Variants in PCDH9 observed in about 807,000 individuals in gnomAD.
PCDH9 encodes protocadherin 9.
PCDH9 carries 24 observed loss-of-function variants against 70.6 expected under a neutral mutation model. That is an observed-to-expected ratio of 0.34 (90% CI 0.25 to 0.48). The LOEUF (loss-of-function observed/expected upper bound fraction) is 0.48. Ranked by LOEUF, PCDH9 falls within the 20% of genes least tolerant of loss-of-function variation. The pLI is 0.99. For missense variants in PCDH9, 1,281 were observed against 1,503.6 expected, an observed-to-expected ratio of 0.85 and a Z score of 2.45; for synonymous variants, 562 against 558.5, an observed-to-expected ratio of 1.01 and a Z score of -0.09.
chr13:66,536,736 A>G (rs1214105176), intron 4 of PCDH9, among the ~76,000 whole-genome samples: 2 of 152,126 alleles, frequency 1.3e-5, no homozygotes, highest in Non-Finnish European at 2.9e-5. Context: ...TGAATACAGT[A>G]CTGATTTCAA....
intron 2 of PCDH9, among the ~76,000 whole-genome samples, chr13:66,992,227 T>C (rs1419150981): frequency 6.6e-6 from 1 of 152,182 alleles, no homozygotes; most frequent in Non-Finnish European, 1.5e-5. Context: ...TCATCTCTAC[T>C]GATAACTGCA....
At chr13:66,408,219 C>T (rs916578850) in intron 4 of PCDH9, among the ~76,000 whole-genome samples, 24 of 151,964 alleles carry the variant, frequency 1.6e-4, no homozygotes, top group African/African-American at 5.1e-4. Flanking sequence ...CCACCGCGCC[C>T]GGCTAATTTT....
At chr13:66,640,199 C>T (rs572994125) in intron 3 of PCDH9, among the ~76,000 whole-genome samples, 53 of 152,186 alleles carry the variant, frequency 3.5e-4, no homozygotes, top group African/African-American at 1.3e-3. Context: ...AAAAAGGAGG[C>T]TTTACTTTGG....
intron 2 of PCDH9, among the ~76,000 whole-genome samples, chr13:66,943,448 T>A (rs2083038502): frequency 6.6e-6 from 1 of 152,082 alleles, no homozygotes. Flanking sequence ...GTACTGACAT[T>A]TCTCTACTCC....
chr13:67,084,539 A>G (rs1175525964), intron 2 of PCDH9, among the ~76,000 whole-genome samples: 1 of 152,158 alleles, frequency 6.6e-6, no homozygotes, highest in African/African-American at 2.4e-5. Context: ...TGGGGAGGTC[A>G]GGACTTAACC....
At chr13:67,203,874 A>C (rs896690493) in intron 2 of PCDH9, 2 of 152,056 alleles carry the variant, frequency 1.3e-5, no homozygotes, top group African/African-American at 4.8e-5. Context: ...TTGGAAAAAA[A>C]CCGCCACAGT....
chr13:66,932,796 C>T (rs1322869124), intron 2 of PCDH9, among the ~76,000 whole-genome samples: 1 of 150,376 alleles, frequency 6.6e-6, no homozygotes, highest in Non-Finnish European at 1.5e-5. Flanking sequence ...ATTCAGAATA[C>T]AGTATCATCA....
chr13:67,188,076 A>G (rs777379224), intron 2 of PCDH9, among the ~76,000 whole-genome samples: 15 of 152,176 alleles, frequency 9.9e-5, no homozygotes, highest in Non-Finnish European at 1.9e-4. Context: ...ATTTCATGAG[A>G]AATATACAGT....
intron 2 of PCDH9, among the ~76,000 whole-genome samples, chr13:67,179,931 T>G (rs1477208622): frequency 6.6e-6 from 1 of 152,110 alleles, no homozygotes; most frequent in East Asian, 1.9e-4. Flanking sequence ...AAACTATAGT[T>G]GGCTAAGAAA....
At chr13:66,516,544 A>C (rs539376960) in intron 4 of PCDH9, among the ~76,000 whole-genome samples, 2 of 152,242 alleles carry the variant, frequency 1.3e-5, no homozygotes, top group Admixed American at 1.3e-4. Context: ...GGGAATAATA[A>C]GACAGTGTAG....
intron 4 of PCDH9, among the ~76,000 whole-genome samples, chr13:66,515,553 G>A (rs1959692438): frequency 6.6e-6 from 1 of 151,910 alleles, no homozygotes; most frequent in Non-Finnish European, 1.5e-5. Flanking sequence ...CTCCTGGGCA[G>A]TAGTAATGCT....
chr13:66,492,081 A>T (rs1338528687), intron 4 of PCDH9, among the ~76,000 whole-genome samples: 1 of 152,186 alleles, frequency 6.6e-6, no homozygotes, highest in Non-Finnish European at 1.5e-5. Context: ...GTTTCTGAGG[A>T]ATAAACTCCC....
intron 2 of PCDH9, among the ~76,000 whole-genome samples, chr13:66,918,372 T>C (rs541223034): frequency 6.6e-6 from 1 of 151,400 alleles, no homozygotes; most frequent in East Asian, 1.9e-4. Flanking sequence ...AAGTGAATTT[T>C]TGCTTCTTAT....
intron 2 of PCDH9, among the ~76,000 whole-genome samples, chr13:67,089,830 A>G (rs540700779): frequency 1.3e-5 from 2 of 152,008 alleles, no homozygotes; most frequent in South Asian, 4.2e-4. Flanking sequence ...TGAAAAATAG[A>G]GATTCTATAT....
chr13:67,213,185 T>C (rs1362718719), intron 2 of PCDH9: 1 of 105,156 alleles, frequency 9.5e-6, no homozygotes, highest in Non-Finnish European at 1.7e-5. Flanking sequence ...CACTCCAGCC[T>C]GGACGACAGA....
At chr13:66,833,726 GA>G (rs1212370539) in intron 3 of PCDH9, among the ~76,000 whole-genome samples, 5 of 151,882 alleles carry the variant, frequency 3.3e-5, no homozygotes, top group Non-Finnish European at 7.4e-5. Flanking sequence ...ACTTCATATA[GA>G]AAAAAAATCA....
intron 4 of PCDH9, among the ~76,000 whole-genome samples, chr13:66,479,896 A>C (rs982094542): frequency 6.6e-6 from 1 of 152,190 alleles, no homozygotes; most frequent in Non-Finnish European, 1.5e-5. Context: ...AGGGAATAAA[A>C]GCTGACCACC....
chr13:66,769,950 A>C (rs2079780225), intron 3 of PCDH9, among the ~76,000 whole-genome samples: 1 of 152,080 alleles, frequency 6.6e-6, no homozygotes, highest in Admixed American at 6.6e-5. Context: ...AAAATAAGTG[A>C]CTGAAAAAGG....
chr13:67,094,054 T>C (rs2086272254), intron 2 of PCDH9, among the ~76,000 whole-genome samples: 1 of 152,192 alleles, frequency 6.6e-6, no homozygotes, highest in South Asian at 2.1e-4. Context: ...AAAATCTTTA[T>C]ACCCCTCTAA....
Sources: gnomAD v4.1 joint callset for allele counts (sites outside exome capture counted in the v4.1 genomes callset) on GRCh38, gnomAD v4.1.1 for gene constraint, MANE v1.5 for transcripts, NCBI Gene and HGNC (gene_info 2026-07-23, HGNC 2026-07-21) for gene names.